PKIG: variants seen among roughly 807,000 people sequenced by gnomAD.
PKIG encodes the protein protein kinase (cAMP-dependent, catalytic) inhibitor gamma.
PKIG carries 1 observed loss-of-function variant against 6.8 expected under a neutral mutation model. The observed-to-expected ratio is 0.15, with a 90% CI of 0.05 to 0.69. The LOEUF (loss-of-function observed/expected upper bound fraction) is 0.69, where lower values mean the gene tolerates loss of function less well. Ranked by LOEUF, PKIG falls within the 30% of genes least tolerant of loss-of-function variation. The pLI, the probability that PKIG is intolerant of heterozygous loss-of-function variation, is 0.82. For missense variants in PKIG, 77 were observed against 104.0 expected, an observed-to-expected ratio of 0.74 and a Z score of 1.13; for synonymous variants, 39 against 43.0, an observed-to-expected ratio of 0.91 and a Z score of 0.36.
chr20:44,544,165 G>A (rs1312032471), intron 1 of PKIG, among the ~76,000 whole-genome samples: 1 of 151,974 alleles, frequency 6.6e-6, no homozygotes, highest in East Asian at 1.9e-4. Context: ...TGGGTCATAT[G>A]CTCATTCCTG....
rs191241984 is a variant in PKIG, at chr20:44,614,031, G to A, written c.-23-503G>A. Among the ~76,000 whole-genome samples, 4 of 152,150 alleles carry A rather than the reference G, an allele frequency of 2.6e-5. No individual in the cohort carries two copies. The highest frequency in any genetic ancestry group is 1.3e-4 in the Admixed American group (2 of 15,290). On this transcript the variant is annotated intron_variant, in intron 2 of 3. Transcript: ENST00000372886. The surrounding 1 kb of genome is among the most constrained non-coding windows in gnomAD (Gnocchi z 4.6). ...TCCCCTCACTCTTCATCTGCATGACGCCTCGTCCTCCTTGGTTCTCAGCTA... is the reference window on the plus strand; with the variant it reads ...TCCCCTCACTCTTCATCTGCATGACACCTCGTCCTCCTTGGTTCTCAGCTA...
At chr20:44,580,342 T>C, upstream of PKIG, among the ~76,000 whole-genome samples, 1 of 151,436 alleles carries the variant, frequency 6.6e-6, no homozygotes, top group East Asian at 1.9e-4. Flanking sequence ...TTTGTTTTGT[T>C]TTTTGTTTTT....
At chr20:44,601,889 T>C (rs2065124096) in intron 2 of PKIG, among the ~76,000 whole-genome samples, 1 of 152,246 alleles carries the variant, frequency 6.6e-6, no homozygotes, top group South Asian at 2.1e-4. Flanking sequence ...GAACAGACCA[T>C]GTAGCTCTTG....
chr20:44,607,383 T>A (rs1344256242), intron 2 of PKIG, among the ~76,000 whole-genome samples: 8 of 143,488 alleles, frequency 5.6e-5, no homozygotes, highest in African/African-American at 1.5e-4. Flanking sequence ...ATATATTTTT[T>A]TTTTTTTTTT....
intron 1 of PKIG, among the ~76,000 whole-genome samples, chr20:44,569,689 C>G (rs977878997): frequency 1.3e-5 from 2 of 152,140 alleles, no homozygotes; most frequent in Admixed American, 6.5e-5. Context: ...TCACTGCAAC[C>G]TCGGCCTCCC....
At chr20:44,601,324 T>A (rs2065119836) in intron 2 of PKIG, among the ~76,000 whole-genome samples, 2 of 152,232 alleles carry the variant, frequency 1.3e-5, no homozygotes, top group Admixed American at 1.3e-4. Context: ...CCAGGGCCAC[T>A]CTTTGAATGG....
rs1277882502 is a variant in PKIG at position 44,589,783 on chromosome 20, T to C, written c.-93-14T>C. The C allele has an allele frequency of 6.6e-6, 1 of 152,342 alleles. No homozygotes were observed. The highest frequency in any genetic ancestry group is 1.9e-4 in the East Asian group (1 of 5,338). 9.4% of individuals were successfully genotyped at this position (152,342 alleles called of 1,614,324 possible). ...TGTCTGGCTCTAATTTTTGTTTTTC[T>C]TCTGGTTCCTTAGAATTCCCGTACT... is the stretch of plus-strand genomic sequence containing the variant. On this transcript the variant is annotated splice_polypyrimidine_tract_variant and intron_variant, in intron 1 of 3. Transcript: ENST00000372886.
At chr20:44,571,733 T>A (rs1375348460) in intron 1 of PKIG, among the ~76,000 whole-genome samples, 1 of 152,268 alleles carries the variant, frequency 6.6e-6, no homozygotes, top group East Asian at 1.9e-4. Flanking sequence ...TTGTTAAGGC[T>A]GTAACACGTT....
At chr20:44,549,698 G>C (rs953212582) in intron 1 of PKIG, among the ~76,000 whole-genome samples, 1 of 152,156 alleles carries the variant, frequency 6.6e-6, no homozygotes, top group African/African-American at 2.4e-5. Context: ...GGTATCACAT[G>C]CTTGTAGTCT....
At chr20:44,603,993 C>G (rs1183720506) in intron 2 of PKIG, among the ~76,000 whole-genome samples, 1 of 143,524 alleles carries the variant, frequency 7.0e-6, no homozygotes, top group East Asian at 2.1e-4. Flanking sequence ...GAATGTCCCT[C>G]TTGAAGTAGA....
chr20:44,573,806 T>G (rs546880260), intron 1 of PKIG, among the ~76,000 whole-genome samples: 6 of 152,384 alleles, frequency 3.9e-5, no homozygotes, highest in Admixed American at 3.3e-4. Context: ...ATAATTGTTA[T>G]TATTACACTT....
intron 1 of PKIG, among the ~76,000 whole-genome samples, chr20:44,545,136 A>G (rs1568804092): frequency 6.6e-6 from 1 of 151,774 alleles, no homozygotes; most frequent in Non-Finnish European, 1.5e-5. Context: ...GGGTTTTGCC[A>G]TGTTGGCCAG....
intron 1 of PKIG, among the ~76,000 whole-genome samples, chr20:44,563,476 A>G (rs940433929): frequency 6.6e-6 from 1 of 152,024 alleles, no homozygotes; most frequent in Non-Finnish European, 1.5e-5. Context: ...GGGAAGACTC[A>G]TAGGAGGGCT....
chr20:44,557,062 A>G (rs962323284), intron 1 of PKIG, among the ~76,000 whole-genome samples: 3 of 152,192 alleles, frequency 2.0e-5, no homozygotes, highest in Non-Finnish European at 2.9e-5. Context: ...TATCTATTCT[A>G]TTAAGGTCGT....
At chr20:44,579,102 A>G (rs559854334), upstream of PKIG, among the ~76,000 whole-genome samples, 3 of 152,230 alleles carry the variant, frequency 2.0e-5, no homozygotes, top group Non-Finnish European at 4.4e-5. Context: ...CCTTATTTTA[A>G]TAAGTATCTC....
At chr20:44,548,546 G>A (rs989894211) in intron 1 of PKIG, among the ~76,000 whole-genome samples, 1 of 152,016 alleles carries the variant, frequency 6.6e-6, no homozygotes, top group Admixed American at 6.6e-5. Flanking sequence ...GTTGATAAAG[G>A]GATAAAAATA....
chr20:44,614,241 T>C lies in PKIG; in HGVS notation c.-23-293T>C, dbSNP rs1342413202. The C allele has an allele frequency of 3.8e-6, 1 of 265,962 alleles. No individual in the cohort carries two copies. Among genetic ancestry groups the C allele is most frequent in the African/African-American group, 2.3e-5 (1 of 44,226 alleles). The allele number at this position is 265,962 out of a possible 1,614,324, so 16.5% of individuals were successfully genotyped here. A position where few individuals can be genotyped will look rare whatever the true frequency, so the allele number is the denominator to read the frequency against. On this transcript the variant is annotated intron_variant, in intron 2 of 3. Transcript: ENST00000372886. The surrounding 1 kb of genome is among the most constrained non-coding windows in gnomAD (Gnocchi z 4.6). ...TGGCCAGTTTGTTCATGGTGGTATC[T>C]GTGCCAGTGCCTGGCGCATGGTATT...
At chr20:44,605,872 G>A (rs926057024) in intron 2 of PKIG, among the ~76,000 whole-genome samples, 5 of 151,654 alleles carry the variant, frequency 3.3e-5, no homozygotes, top group African/African-American at 7.3e-5. Context: ...GGCTGGCACC[G>A]CTACACTCCA....
rs1392932577 is a variant in PKIG at position 44,614,008 on chromosome 20, C to T, written c.-23-526C>T. On this transcript the variant is annotated intron_variant, in intron 2 of 3. Coordinates refer to ENST00000372886, the MANE Select transcript of PKIG (RefSeq NM_001281445.2). The surrounding 1 kb of genome is among the most constrained non-coding windows in gnomAD (Gnocchi z 4.6). Reference sequence around the variant, plus strand: ...TGTTCCCCTCTCTGTAGTGCTCTTCCCCTCACTCTTCATCTGCATGACGCC... The same window carrying T: ...TGTTCCCCTCTCTGTAGTGCTCTTCTCCTCACTCTTCATCTGCATGACGCC... Among the ~76,000 whole-genome samples, 1 of 152,180 alleles carries T rather than the reference C, an allele frequency of 6.6e-6. No individual in the cohort carries two copies. The highest frequency in any genetic ancestry group is 1.5e-5 in the Non-Finnish European group (1 of 68,038).
Sources: allele counts gnomAD v4.1 joint callset (sites outside exome capture counted in the v4.1 genomes callset), GRCh38; gene constraint gnomAD v4.1.1; non-coding constraint Gnocchi (gnomAD v3.1); transcripts MANE v1.5; gene names NCBI Gene and HGNC (gene_info 2026-07-23, HGNC 2026-07-21).